The following ADAM8 variants were observed in gnomAD, a reference collection of about 807,000 sequenced individuals.
ADAM8 encodes ADAM metallopeptidase domain 8.
Under a neutral mutation model 102.4 loss-of-function variants are expected in ADAM8, and 104 were observed. That is an observed-to-expected ratio of 1.02 (90% CI 0.87 to 1.20). The LOEUF is 1.20. ADAM8 is among the 50% of genes most tolerant of loss of function. The pLI, the probability that ADAM8 is intolerant of heterozygous loss-of-function variation, is 0.00. For missense variants in ADAM8, 1,132 were observed against 1,159.0 expected (o/e 0.98, Z 0.34); for synonymous variants, 517 against 485.2 (o/e 1.07, Z -0.86).
chr10:133,270,355 C>T lies in ADAM8; in HGVS notation c.1785+5G>A, dbSNP rs749799854. The T allele has an allele frequency of 1.9e-6, 3 of 1,578,976 alleles. No homozygotes were observed. Among genetic ancestry groups the T allele is most frequent in the Non-Finnish European group, 8.7e-7 (1 of 1,155,366 alleles). On this transcript the variant is annotated splice_donor_5th_base_variant and intron_variant, in intron 16 of 22. Coordinates refer to ENST00000445355, the MANE Select transcript of ADAM8 (RefSeq NM_001109.5). ...GGTGGCGCGGCCTCTGAGCCAGGGG[C>T]TCACCTTCTCTGGTCCACACCGGGT...
At chr10:133,274,320 G>A (rs1034304306) in intron 2 of ADAM8, 85 bp from the exon 3 acceptor site, 119 of 1,295,922 alleles carry the variant, frequency 9.2e-5, no homozygotes, top group Non-Finnish European at 1.1e-4. Context: ...AGCTCAGCTG[G>A]GGGGGAAGGG....
chr10:133,272,343 G>A, intron 9 of ADAM8, 69 bp from the exon 10 acceptor site: 1 of 1,150,898 alleles, frequency 8.7e-7, no homozygotes, highest in Non-Finnish European at 1.2e-6. Flanking sequence ...CCCCAGCCCT[G>A]CTCTCCCTTC....
At chr10:133,272,690 G>T in intron 8 of ADAM8, 105 bp from the exon 9 acceptor site, 1 of 1,535,600 alleles carries the variant, frequency 6.5e-7, no homozygotes, top group Non-Finnish European at 8.8e-7. Context: ...GTGGGGCCAG[G>T]CACAGGTGCG....
chr10:133,272,662 C>A, intron 8 of ADAM8, 77 bp from the exon 9 acceptor site: 1 of 1,544,818 alleles, frequency 6.5e-7, no homozygotes, highest in Non-Finnish European at 8.7e-7. Flanking sequence ...GCGGAGGATG[C>A]ACCTGTCCCA....
intron 1 of ADAM8, among the ~76,000 whole-genome samples, chr10:133,276,170 C>A (rs1032280529): frequency 2.0e-5 from 3 of 152,206 alleles, no homozygotes; most frequent in African/African-American, 7.2e-5. Flanking sequence ...GTCTCCATGA[C>A]CACATCTCCA....
At position 133,270,374 on chromosome 10, in the gene ADAM8, A is replaced by G; in HGVS notation, c.1771T>C (p.Cys591Arg). 1 of 1,588,358 alleles carries G rather than the reference A, an allele frequency of 6.3e-7. No individual in the cohort carries two copies. Among genetic ancestry groups the G allele is most frequent in the Non-Finnish European group, 8.6e-7 (1 of 1,160,614 alleles). Reference protein sequence around the residue: ...AYEPVPEGTRCGPEKVCWKGR... With the variant: ...AYEPVPEGTRRGPEKVCWKGR... Reference sequence around the variant, plus strand: ...CAGGGGCTCACCTTCTCTGGTCCACACCGGGTGCCCTCGGGCACTGGTTCA... The same window carrying G: ...CAGGGGCTCACCTTCTCTGGTCCACGCCGGGTGCCCTCGGGCACTGGTTCA... The change falls in exon 16 of 23, where the codon TGT becomes CGT. Residue 591 changes from cysteine to arginine, a missense_variant. By Grantham distance (180) the Cys-to-Arg change is radical. Transcript: ENST00000445355.
At chr10:133,264,058 C>CT (rs3058139) in intron 21 of ADAM8, among the ~76,000 whole-genome samples, 1,012 of 83,994 alleles carry the variant, frequency 0.012, 22 homozygotes, top group African/African-American at 0.031. Flanking sequence ...TTTTCCTTTC[C>CT]TTTTTTTTTT....
intron 17 of ADAM8, 117 bp downstream of exon 17, chr10:133,269,780 C>G: frequency 8.0e-7 from 1 of 1,250,358 alleles, no homozygotes; most frequent in Non-Finnish European, 1.1e-6. Context: ...CCCCCATGGA[C>G]AGGACACGCC....
At position 133,269,439 on chromosome 10, in the gene ADAM8, G is replaced by C; in HGVS notation, c.1948+6C>G. On this transcript the variant is annotated splice_donor_region_variant and intron_variant, in intron 18 of 22. Transcript: ENST00000445355. The stretch of plus-strand genomic sequence containing the variant: ...AGCCCCACCTGCGCTGGCCAGGGAG[G>C]CCTACCTGCGTGCACCTCAGTCAGC... 1 of 1,581,582 alleles carries C rather than the reference G, an allele frequency of 6.3e-7. No individual in the cohort carries two copies. Among genetic ancestry groups the C allele is most frequent in the Non-Finnish European group, 8.6e-7 (1 of 1,168,544 alleles).
chr10:133,269,954 G>A lies in ADAM8; in HGVS notation c.1806C>T (p.Cys602=). The part of the protein sequence containing the change: ...GPEKVCWKGR[C]QDLHVYRSSN... ...TGGATCTGTAAACGTGTAAGTCCTG[G>A]CAACGTCCTTTCCAGCAAACCTGGG... Residue 602 remains cysteine, a synonymous_variant, in exon 17 of 23, where the codon TGC becomes TGT. Coordinates refer to ENST00000445355, the MANE Select transcript of ADAM8 (RefSeq NM_001109.5). 2 of 1,612,710 alleles carry A rather than the reference G, an allele frequency of 1.2e-6. No individual in the cohort carries two copies. Among genetic ancestry groups the A allele is most frequent in the Non-Finnish European group, 8.5e-7 (1 of 1,179,940 alleles).
chr10:133,274,924 G>A (rs747500296), intron 2 of ADAM8: 18 of 425,508 alleles, frequency 4.2e-5, no homozygotes, highest in Admixed American at 1.3e-4. Context: ...CCAGGGCAGC[G>A]GGCAGGTCGG....
chr10:133,264,948 A>T (rs1258218570), intron 21 of ADAM8, among the ~76,000 whole-genome samples: 5 of 85,466 alleles, frequency 5.9e-5, no homozygotes, highest in Admixed American at 1.4e-4. Context: ...CTCCACGCGC[A>T]GCTCCTGCTG....
chr10:133,275,654 G>A lies in ADAM8; in HGVS notation c.47-67C>T, dbSNP rs561544643. Reference sequence around the variant, plus strand: ...AGGTTTCCTTCCCAGAGGCCTCCTGGGCCCTCAGATTCTGTCTCTTGCTGG... The same window carrying A: ...AGGTTTCCTTCCCAGAGGCCTCCTGAGCCCTCAGATTCTGTCTCTTGCTGG... On this transcript the variant is annotated intron_variant, in intron 1 of 22. Transcript: ENST00000445355. 3 of 841,190 alleles carry A rather than the reference G, an allele frequency of 3.6e-6. No homozygotes were observed. In the South Asian group the frequency reaches 6.1e-5, roughly 17 times the overall value. The allele number at this position is 841,190 out of a possible 1,614,324, so 52.1% of individuals were successfully genotyped here. A position where few individuals can be genotyped will look rare whatever the true frequency, so the allele number is the denominator to read the frequency against.
At position 133,270,509 on chromosome 10, in the gene ADAM8, C is replaced by T. The variant is rs769623592; in HGVS notation, c.1636G>A (p.Ala546Thr). The change falls in exon 16 of 23, where the codon GCT (alanine) becomes ACT (threonine). Residue 546 changes from alanine (A) to threonine (T), a missense_variant and splice_region_variant. Coordinates refer to ENST00000445355, the MANE Select transcript of ADAM8 (RefSeq NM_001109.5). ...LPGCKASRYR[A>T]DMCGVLQCKG... ...CACTGCAGAACGCCACACATGTCAG[C>T]CCTGTGGATGGACGGCAGGTCGTGG... 6.3e-7 allele frequency: 1 copy of T among 1,584,952 alleles called. No homozygotes were observed. Among genetic ancestry groups the T allele is most frequent in the South Asian group, 1.1e-5 (1 of 89,850 alleles).
intron 20 of ADAM8, 106 bp from the exon 21 acceptor site, chr10:133,267,523 G>T (rs1186371231): frequency 2.5e-6 from 3 of 1,190,690 alleles, no homozygotes. Flanking sequence ...GTGTGCTGGA[G>T]GCGTCTGCGC....
In ADAM8 at chr10:133,270,426, C is replaced by T. The variant is rs770651639; in HGVS notation, c.1719G>A (p.Ala573=). 9 of 1,606,252 alleles carry T rather than the reference C, an allele frequency of 5.6e-6. No individual in the cohort carries two copies. The highest frequency in any genetic ancestry group is 2.7e-5 in the African/African-American group (2 of 74,844). ...RAICIVDVCH[A]LTTEDGTAYE... Reference sequence around the variant, plus strand: ...ACGCAGTGCCATCCTCTGTGGTGAGCGCGTGGCACACATCCACGATGCAGA... The same window carrying T: ...ACGCAGTGCCATCCTCTGTGGTGAGTGCGTGGCACACATCCACGATGCAGA... Residue 573 remains alanine, a synonymous_variant, in exon 16 of 23, where the codon GCG becomes GCA. Transcript: ENST00000445355.
intron 5 of ADAM8, 124 bp downstream of exon 5, chr10:133,273,638 C>T: frequency 1.5e-6 from 2 of 1,323,468 alleles, no homozygotes. Flanking sequence ...GACCCCCATG[C>T]AAGACAGCAA....
Position 133,271,920 on chromosome 10 carries a change from G to A in ADAM8, c.992C>T (p.Thr331Ile). ...HSKNPVGVAC[T>I]MAHEMGHNLG... is the part of the protein sequence containing the mutation. Reference sequence around the variant, plus strand: ...GTTGTGGCCCATCTCATGGGCCATGGTACAGGCCACGCCCACGGGGTTCTT... The same window carrying A: ...GTTGTGGCCCATCTCATGGGCCATGATACAGGCCACGCCCACGGGGTTCTT... The change falls in exon 11 of 23, where the codon ACC becomes ATC. Residue 331 changes from threonine to isoleucine, a missense_variant. Thr to Ile is a moderately conservative substitution (Grantham distance 89). Coordinates refer to ENST00000445355, the MANE Select transcript of ADAM8 (RefSeq NM_001109.5). 6.2e-7 allele frequency: 1 copy of A among 1,612,522 alleles called. No individual in the cohort carries two copies. Among genetic ancestry groups the A allele is most frequent in the Non-Finnish European group, 8.5e-7 (1 of 1,179,710 alleles).
Position 133,274,833 on chromosome 10 carries a change from A to T in ADAM8, c.151-598T>A, listed in dbSNP as rs1191488318. The T allele has an allele frequency of 1.2e-5, 5 of 433,738 alleles. 1 individual carries two copies. Among genetic ancestry groups the T allele is most frequent in the Non-Finnish European group, 2.3e-5 (5 of 214,632 alleles). The allele number at this position is 433,738 out of a possible 1,614,324, so 26.9% of individuals were successfully genotyped here. ...GCAGAGCCTCCTGCTGGACCACTGC[A>T]TCTCCAGCCCCCATGTGCAGGCTGG... On this transcript the variant is annotated intron_variant, in intron 2 of 22. Transcript: ENST00000445355.
Sources: allele counts gnomAD v4.1 joint callset (sites outside exome capture counted in the v4.1 genomes callset), GRCh38; gene constraint gnomAD v4.1.1; transcripts MANE v1.5; gene names NCBI Gene and HGNC (gene_info 2026-07-23, HGNC 2026-07-21).